The following PTPRK variants were observed in gnomAD, a reference collection of about 807,000 sequenced individuals.
PTPRK encodes the protein receptor-type tyrosine-protein phosphatase kappa.
In PTPRK, 75 loss-of-function variants were observed where a neutral mutation model predicts 178.0. That is an observed-to-expected ratio of 0.42 (90% confidence interval 0.35 to 0.51). The LOEUF is 0.51. Ranked by LOEUF, PTPRK falls within the 20% of genes least tolerant of loss-of-function variation. The pLI is 0.02. For synonymous variants in PTPRK, 637 were observed against 620.6 expected, an observed-to-expected ratio of 1.03 and a Z score of -0.39; for missense variants, 1,441 against 1,797.8, an observed-to-expected ratio of 0.80 and a Z score of 3.59.
At chr6:128,496,165 G>A (rs1477679096) in intron 1 of PTPRK, among the ~76,000 whole-genome samples, 1 of 152,066 alleles carries the variant, frequency 6.6e-6, no homozygotes, top group African/African-American at 2.4e-5. Flanking sequence ...CACAGTGAAG[G>A]TGCTCAATAT....
intron 6 of PTPRK, among the ~76,000 whole-genome samples, chr6:128,194,317 A>C (rs1804494173): frequency 6.6e-6 from 1 of 151,628 alleles, no homozygotes; most frequent in Admixed American, 6.6e-5. Flanking sequence ...CGATCTCCTG[A>C]CCTCGTGATC....
rs540330028 is a variant in PTPRK at position 128,229,696 on chromosome 6, G to A, written c.693+10339C>T. Among the ~76,000 whole-genome samples the A allele has an allele frequency of 2.0e-5, 3 of 152,106 alleles. No individual in the cohort carries two copies. In the East Asian group the frequency reaches 5.8e-4, roughly 29 times the overall value. On this transcript the variant is annotated intron_variant, in intron 5 of 29. Coordinates refer to ENST00000368226, the MANE Select transcript of PTPRK (RefSeq NM_002844.4). Reference sequence around the variant, plus strand: ...GGAGAGGTGCCCACTAAGCAAATATGGGACGATTTAAGATTTAATAGAAAT... The same window carrying A: ...GGAGAGGTGCCCACTAAGCAAATATAGGACGATTTAAGATTTAATAGAAAT...
chr6:128,414,035 G>A (rs958610419), intron 1 of PTPRK, among the ~76,000 whole-genome samples: 1 of 152,122 alleles, frequency 6.6e-6, no homozygotes, highest in African/African-American at 2.4e-5. Context: ...AAAAATAAAA[G>A]TAGATTCATT....
intron 2 of PTPRK, among the ~76,000 whole-genome samples, chr6:128,347,521 T>C (rs1391269793): frequency 1.3e-5 from 2 of 152,142 alleles, no homozygotes; most frequent in Admixed American, 6.6e-5. Context: ...TTTGTTTATA[T>C]GTTTTTAAGA....
chr6:128,075,241 A>C (rs12190558), intron 11 of PTPRK, among the ~76,000 whole-genome samples: 3 of 152,020 alleles, frequency 2.0e-5, no homozygotes, highest in African/African-American at 7.2e-5. Flanking sequence ...GATTATCCCC[A>C]GTCCATTCTC....
chr6:128,319,315 G>A (rs72969088), intron 3 of PTPRK, among the ~76,000 whole-genome samples: 12,031 of 151,930 alleles, frequency 0.079, 554 homozygotes, highest in African/African-American at 0.12. Context: ...TGTATATCTC[G>A]CATTTCCCAT....
intron 2 of PTPRK, among the ~76,000 whole-genome samples, chr6:128,355,787 A>G (rs1432172100): frequency 2.0e-5 from 3 of 152,212 alleles, no homozygotes; most frequent in African/African-American, 7.2e-5. Context: ...CCTAAAACTT[A>G]AAGTACAATA....
intron 6 of PTPRK, among the ~76,000 whole-genome samples, chr6:128,195,632 GT>G (rs1203394674): frequency 6.6e-6 from 1 of 152,066 alleles, no homozygotes; most frequent in Non-Finnish European, 1.5e-5. Context: ...AAAAGGAATT[GT>G]GATGACATAG....
rs528058554 is a variant in PTPRK at position 128,519,078 on chromosome 6, C to T, written c.100+1181G>A. The T allele has an allele frequency of 4.9e-5, 26 of 532,662 alleles. No homozygotes were observed. Among genetic ancestry groups the T allele is most frequent in the Admixed American group, 3.1e-4 (16 of 51,540 alleles). The allele number at this position is 532,662 out of a possible 1,614,324, so 33.0% of individuals were successfully genotyped here. On this transcript the variant is annotated intron_variant, in intron 1 of 29. Coordinates refer to ENST00000368226, the MANE Select transcript of PTPRK (RefSeq NM_002844.4). This position sits in a 1 kb window ranked among gnomAD's most constrained non-coding sequence, Gnocchi z 4.3. ...CCCGTCTTCTCCATCACCCTCTGGC[C>T]ACCACTGCGTCTCCATCTGCACCGC...
At chr6:128,099,238 G>A (rs1273952045) in intron 7 of PTPRK, among the ~76,000 whole-genome samples, 2 of 150,786 alleles carry the variant, frequency 1.3e-5, no homozygotes, top group Non-Finnish European at 3.0e-5. Context: ...CTGCTTAGGT[G>A]CATAAATAGT....
chr6:128,464,288 T>A (rs1162606492), intron 1 of PTPRK, among the ~76,000 whole-genome samples: 2 of 151,860 alleles, frequency 1.3e-5, no homozygotes, highest in Non-Finnish European at 2.9e-5. Flanking sequence ...AGGCGTCTAG[T>A]CTCTAGATGG....
At chr6:128,366,571 C>T (rs1201284908) in intron 2 of PTPRK, among the ~76,000 whole-genome samples, 1 of 152,062 alleles carries the variant, frequency 6.6e-6, no homozygotes, top group African/African-American at 2.4e-5. Context: ...ATCACAGTAT[C>T]CATTTTTATG....
chr6:128,165,922 T>C (rs1316406039), intron 7 of PTPRK, among the ~76,000 whole-genome samples: 1 of 151,616 alleles, frequency 6.6e-6, no homozygotes, highest in Non-Finnish European at 1.5e-5. Context: ...AAACTAAAAA[T>C]AGCATTGGAC....
rs182711800 is a variant in PTPRK, at chr6:128,026,099, C to G, written c.2195-16831G>C. Reference sequence around the variant, plus strand: ...TTAAGAGAATCCCAAGAGATCTAAACAGTAAGAGAGAGAGGCCTAAGTGAT... The same window carrying G: ...TTAAGAGAATCCCAAGAGATCTAAAGAGTAAGAGAGAGAGGCCTAAGTGAT... On this transcript the variant is annotated intron_variant, in intron 13 of 29. Transcript: ENST00000368226. 8.7e-4 allele frequency among the ~76,000 whole-genome samples: 133 copies of G among 152,216 alleles called. 1 individual carries two copies. The highest frequency in any genetic ancestry group is 2.7e-3 in the African/African-American group (111 of 41,530).
chr6:128,043,758 C>G (rs1777587296), intron 13 of PTPRK, among the ~76,000 whole-genome samples: 1 of 151,706 alleles, frequency 6.6e-6, no homozygotes, highest in African/African-American at 2.4e-5. Flanking sequence ...ATCTCAGTAA[C>G]TAACATTGCA....
intron 6 of PTPRK, among the ~76,000 whole-genome samples, chr6:128,213,451 T>C (rs1339969792): frequency 6.6e-6 from 1 of 152,092 alleles, no homozygotes; most frequent in Non-Finnish European, 1.5e-5. Flanking sequence ...TGTGATTCAG[T>C]GTGTTCTGAA....
chr6:128,311,118 C>T (rs1385555912), intron 3 of PTPRK, among the ~76,000 whole-genome samples: 1 of 152,030 alleles, frequency 6.6e-6, no homozygotes, highest in Non-Finnish European at 1.5e-5. Flanking sequence ...AAGCCAAAAA[C>T]CTGATTACCT....
intron 3 of PTPRK, among the ~76,000 whole-genome samples, chr6:128,244,336 A>T (rs1237828595): frequency 6.6e-6 from 1 of 152,186 alleles, no homozygotes; most frequent in African/African-American, 2.4e-5. Context: ...GAAGGGAATA[A>T]GCGACTAATT....
intron 7 of PTPRK, among the ~76,000 whole-genome samples, chr6:128,138,837 A>G (rs1174315473): frequency 6.6e-6 from 1 of 152,086 alleles, no homozygotes; most frequent in Non-Finnish European, 1.5e-5. Flanking sequence ...GGGAAACTTA[A>G]TGGACATGTT....
Sources: allele counts gnomAD v4.1 joint callset (sites outside exome capture counted in the v4.1 genomes callset), GRCh38; gene constraint gnomAD v4.1.1; non-coding constraint Gnocchi (gnomAD v3.1); transcripts MANE v1.5; gene names NCBI Gene and HGNC (gene_info 2026-07-23, HGNC 2026-07-21).